The following MAS1 variants were observed in gnomAD, a reference collection of about 807,000 sequenced individuals.
MAS1 encodes MAS1 proto-oncogene, G protein-coupled receptor.
For missense variants in MAS1, 387 were observed against 409.7 expected, an observed-to-expected ratio of 0.94 and a Z score of 0.48; for synonymous variants, 163 against 164.2, an observed-to-expected ratio of 0.99 and a Z score of 0.05.
Position 159,911,299 on chromosome 6 carries a change from C to A in MAS1, c.*3366C>A, listed in dbSNP as rs1001487529. 2 of 153,024 alleles carry A rather than the reference C, an allele frequency of 1.3e-5. No homozygotes were observed. Among genetic ancestry groups the A allele is most frequent in the African/African-American group, 4.9e-5 (2 of 41,198 alleles). 9.5% of individuals were successfully genotyped at this position (153,024 alleles called of 1,614,324 possible). On this transcript the variant is annotated 3_prime_UTR_variant, in exon 3 of 3. Coordinates refer to ENST00000674077, the MANE Select transcript of MAS1 (RefSeq NM_002377.4). ...TGCTTGTAACCCATTCATTTCCCCA[C>A]CGTTTCTTTTTTCTTTTCTTTTCTT...
chr6:159,906,053 GTTATT>G (rs1207127527), intron 2 of MAS1, among the ~76,000 whole-genome samples: 44 of 151,996 alleles, frequency 2.9e-4, no homozygotes, highest in African/African-American at 8.7e-4. Flanking sequence ...AAAAAAAAAA[GTTATT>G]TTGATCAACT....
chr6:159,892,826 A>G (rs1258583847), intron 1 of MAS1, among the ~76,000 whole-genome samples: 1 of 152,170 alleles, frequency 6.6e-6, no homozygotes, highest in Non-Finnish European at 1.5e-5. Context: ...TCAGTTTGGC[A>G]TTTCCATGAG....
rs886856948 is a variant in MAS1 at position 159,913,706 on chromosome 6, A to G, written c.*5773A>G. 9 of 152,240 alleles carry G rather than the reference A, an allele frequency of 5.9e-5. No homozygotes were observed. Among genetic ancestry groups the G allele is most frequent in the African/African-American group, 2.2e-4 (9 of 41,466 alleles). The allele number at this position is 152,240 out of a possible 1,614,324, so 9.4% of individuals were successfully genotyped here. On this transcript the variant is annotated 3_prime_UTR_variant, in exon 3 of 3. Transcript: ENST00000674077. ...GAGACTTAGCTTTTCCTAAAGGCCA[A>G]AAATCAGCTATTGGGGTCTCATTTG... is the stretch of plus-strand genomic sequence containing the variant.
At chr6:159,895,823 C>A (rs1021980343) in intron 1 of MAS1, among the ~76,000 whole-genome samples, 3 of 152,186 alleles carry the variant, frequency 2.0e-5, no homozygotes, top group Admixed American at 2.0e-4. Context: ...TGTTAATACA[C>A]ATTTAAATCT....
Position 159,907,317 on chromosome 6 carries a change from A to T in MAS1, c.362A>T (p.Tyr121Phe). The change falls in exon 3 of 3, where the codon TAT (tyrosine) becomes TTT (phenylalanine). Residue 121 changes from tyrosine to phenylalanine, a missense_variant. Coordinates refer to ENST00000674077, the MANE Select transcript of MAS1 (RefSeq NM_002377.4). The stretch of plus-strand genomic sequence containing the variant: ...CTGTTTGGCTACAACACGGGCCTCT[A>T]TCTGCTGACGGCCATTAGTGTGGAG... ...TFLFGYNTGL[Y>F]LLTAISVERC... 6.2e-7 allele frequency: 1 copy of T among 1,614,166 alleles called. No individual in the cohort carries two copies.
At position 159,912,400 on chromosome 6, in the gene MAS1, T is replaced by G. The variant is rs2115124279; in HGVS notation, c.*4467T>G. On this transcript the variant is annotated 3_prime_UTR_variant, in exon 3 of 3. Coordinates refer to ENST00000674077, the MANE Select transcript of MAS1 (RefSeq NM_002377.4). ...ACATCAAGCCATACATACTTTTTCC[T>G]GTGCTTTTTCTCATGGAGAGGAGCA... is the stretch of plus-strand genomic sequence containing the variant. 6.6e-6 allele frequency: 1 copy of G among 152,376 alleles called. No individual in the cohort carries two copies. Among genetic ancestry groups the G allele is most frequent in the South Asian group, 2.1e-4 (1 of 4,828 alleles). 9.4% of individuals were successfully genotyped at this position (152,376 alleles called of 1,614,324 possible).
rs137923784 is a variant in MAS1 at position 159,898,016 on chromosome 6, C to T, written c.-243-1170C>T. ...CAAGTGGTTCTCCTGCCTCTGCTTC[C>T]GAGTATCTGGGATTACAAGTACATG... On this transcript the variant is annotated intron_variant, in intron 1 of 2. Transcript: ENST00000674077. Among the ~76,000 whole-genome samples the T allele has an allele frequency of 2.2e-4, 33 of 152,018 alleles. No individual in the cohort carries two copies. The East Asian group carries it at 6.0e-3, about 28-fold the overall frequency.
rs368984438 is a variant in MAS1, at chr6:159,912,398, C to T, written c.*4465C>T. On this transcript the variant is annotated 3_prime_UTR_variant, in exon 3 of 3. Coordinates refer to ENST00000674077, the MANE Select transcript of MAS1 (RefSeq NM_002377.4). ...ACACATCAAGCCATACATACTTTTT[C>T]CTGTGCTTTTTCTCATGGAGAGGAG... The T allele has an allele frequency of 9.8e-5, 15 of 152,316 alleles. 1 individual carries two copies. The highest frequency in any genetic ancestry group is 3.1e-4 in the African/African-American group (13 of 41,576). 9.4% of individuals were successfully genotyped at this position (152,316 alleles called of 1,614,324 possible). A position where few individuals can be genotyped will look rare whatever the true frequency, so the allele number is the denominator to read the frequency against.
At chr6:159,892,092 T>A (rs1030361128) in intron 1 of MAS1, among the ~76,000 whole-genome samples, 4 of 152,158 alleles carry the variant, frequency 2.6e-5, no homozygotes, top group African/African-American at 9.7e-5. Context: ...GGCTCTAAAT[T>A]GATCCTGTGG....
At chr6:159,898,044 A>G (rs1343449250) in intron 1 of MAS1, among the ~76,000 whole-genome samples, 1 of 151,892 alleles carries the variant, frequency 6.6e-6, no homozygotes, top group Non-Finnish European at 1.5e-5. Context: ...AGTACATGCC[A>G]CCACGCCCGG....
In MAS1 at chr6:159,907,308, C is replaced by T. The variant is rs145079703; in HGVS notation, c.353C>T (p.Thr118Met). 24 of 1,614,156 alleles carry T rather than the reference C, an allele frequency of 1.5e-5. No homozygotes were observed. The highest frequency in any genetic ancestry group is 8.3e-5 in the Admixed American group (5 of 60,024). Residue 118 changes from threonine to methionine, a missense_variant, in exon 3 of 3, where the codon ACG becomes ATG. By Grantham distance (81) the Thr-to-Met change is moderately conservative. Coordinates refer to ENST00000674077, the MANE Select transcript of MAS1 (RefSeq NM_002377.4). ...GTGACTTTTCTGTTTGGCTACAACA[C>T]GGGCCTCTATCTGCTGACGGCCATT... Reference protein sequence around the residue: ...LSVTFLFGYNTGLYLLTAISV... With the variant: ...LSVTFLFGYNMGLYLLTAISV...
chr6:159,908,652 CT>C lies in MAS1; in HGVS notation c.*720del, dbSNP rs1782929386. 1 of 152,052 alleles carries C rather than the reference CT, an allele frequency of 6.6e-6. No individual in the cohort carries two copies. Among genetic ancestry groups the C allele is most frequent in the African/African-American group, 2.4e-5 (1 of 41,380 alleles). The allele number at this position is 152,052 out of a possible 1,614,324, so 9.4% of individuals were successfully genotyped here. The stretch of plus-strand genomic sequence containing the variant: ...GAAAGCATTTCATGGCATTACACCT[CT>C]ATTGAAAAACATCGCGGATGTTATG... On this transcript the variant is annotated 3_prime_UTR_variant, in exon 3 of 3. Transcript: ENST00000674077.
intron 1 of MAS1, among the ~76,000 whole-genome samples, chr6:159,893,875 T>C (rs1782727206): frequency 6.6e-6 from 1 of 152,036 alleles, no homozygotes; most frequent in African/African-American, 2.4e-5. Context: ...CTTGGAGAAA[T>C]GGCTGATTCT....
At chr6:159,896,854 G>GT (rs1412246281) in intron 1 of MAS1, among the ~76,000 whole-genome samples, 2 of 141,716 alleles carry the variant, frequency 1.4e-5, no homozygotes, top group Non-Finnish European at 3.1e-5. Flanking sequence ...CAGAGACTGG[G>GT]TTTTTTTGTT....
rs991833163 is a variant in MAS1 at position 159,907,654 on chromosome 6, C to T, written c.699C>T (p.Thr233=). The change falls in exon 3 of 3, where the codon ACC becomes ACT. Residue 233 remains threonine, a synonymous_variant. Coordinates refer to ENST00000674077, the MANE Select transcript of MAS1 (RefSeq NM_002377.4). ...SSKLYIVIMV[T]IIIFLIFAMP... is the part of the protein sequence containing the mutation. The stretch of plus-strand genomic sequence containing the variant: ...AGCTTTACATAGTCATCATGGTCAC[C>T]ATCATTATATTCCTCATCTTCGCTA... The T allele has an allele frequency of 1.4e-5, 23 of 1,613,756 alleles. No homozygotes were observed. Among genetic ancestry groups the T allele is most frequent in the Non-Finnish European group, 1.9e-5 (22 of 1,179,964 alleles).
Position 159,916,455 on chromosome 6 carries a change from T to C in MAS1, c.*8522T>C, listed in dbSNP as rs1447857282. Reference sequence around the variant, plus strand: ...GGACATGTAGCTAACCCCACTGTACTGTATTCTTAAAAATGTTTCAGATGG... The same window carrying C: ...GGACATGTAGCTAACCCCACTGTACCGTATTCTTAAAAATGTTTCAGATGG... On this transcript the variant is annotated 3_prime_UTR_variant, in exon 3 of 3. Coordinates refer to ENST00000674077, the MANE Select transcript of MAS1 (RefSeq NM_002377.4). The C allele has an allele frequency of 6.6e-6, 1 of 152,226 alleles. No individual in the cohort carries two copies. The highest frequency in any genetic ancestry group is 1.9e-4 in the East Asian group (1 of 5,194). The allele number at this position is 152,226 out of a possible 1,614,324, so 9.4% of individuals were successfully genotyped here. A position where few individuals can be genotyped will look rare whatever the true frequency, so the allele number is the denominator to read the frequency against.
At position 159,909,330 on chromosome 6, in the gene MAS1, G is replaced by C. The variant is rs1003671237; in HGVS notation, c.*1397G>C. The C allele has an allele frequency of 2.0e-5, 3 of 152,196 alleles. No homozygotes were observed. The highest frequency in any genetic ancestry group is 6.5e-5 in the Admixed American group (1 of 15,276). The allele number at this position is 152,196 out of a possible 1,614,324, so 9.4% of individuals were successfully genotyped here. A position where few individuals can be genotyped will look rare whatever the true frequency, so the allele number is the denominator to read the frequency against. ...CCGATAGTATTTATTTTAACCATTTGCTCTTTAAAAGGTCAGAGAGGCAGT... is the reference window on the plus strand; with the variant it reads ...CCGATAGTATTTATTTTAACCATTTCCTCTTTAAAAGGTCAGAGAGGCAGT... On this transcript the variant is annotated 3_prime_UTR_variant, in exon 3 of 3. Coordinates refer to ENST00000674077, the MANE Select transcript of MAS1 (RefSeq NM_002377.4).
rs1438656709 is a variant in MAS1, at chr6:159,917,377, A to G, written c.*9444A>G. 6.6e-6 allele frequency among the ~76,000 whole-genome samples: 1 copy of G among 152,248 alleles called. No individual in the cohort carries two copies. The highest frequency in any genetic ancestry group is 1.5e-5 in the Non-Finnish European group (1 of 68,048). ...CCATTTTGTTCACTTGTATCAAACTATATTCTCTGGATTCAGAGGGAATTA... is the reference window on the plus strand; with the variant it reads ...CCATTTTGTTCACTTGTATCAAACTGTATTCTCTGGATTCAGAGGGAATTA... On this transcript the variant is annotated 3_prime_UTR_variant, in exon 3 of 3. Transcript: ENST00000674077.
chr6:159,897,891 G>A (rs887489517), intron 1 of MAS1, among the ~76,000 whole-genome samples: 1 of 151,938 alleles, frequency 6.6e-6, no homozygotes, highest in Non-Finnish European at 1.5e-5. Context: ...AATTAAACAA[G>A]TCTTTTTTTT....
Sources: allele counts gnomAD v4.1 joint callset (sites outside exome capture counted in the v4.1 genomes callset), GRCh38; gene constraint gnomAD v4.1.1; transcripts MANE v1.5; gene names NCBI Gene and HGNC (gene_info 2026-07-23, HGNC 2026-07-21).